PDZRN4: variants seen among roughly 807,000 people sequenced by gnomAD.
PDZRN4 encodes PDZ domain-containing RING finger protein 4.
In PDZRN4, 70 loss-of-function variants were observed where a neutral mutation model predicts 99.0. The ratio of observed to expected loss-of-function variants is 0.71; its 90% CI spans 0.58 to 0.86. The LOEUF (loss-of-function observed/expected upper bound fraction) is 0.86, where lower values mean the gene tolerates loss of function less well. Among genes scored for constraint, PDZRN4 ranks in the 40% least tolerant of loss-of-function variants. The pLI is 0.00. For synonymous variants in PDZRN4, 551 were observed against 501.6 expected, an observed-to-expected ratio of 1.10 and a Z score of -1.32; for missense variants, 1,474 against 1,331.2, an observed-to-expected ratio of 1.11 and a Z score of -1.67.
chr12:41,309,068 C>A (rs988294703), intron 3 of PDZRN4, among the ~76,000 whole-genome samples: 9 of 151,948 alleles, frequency 5.9e-5, no homozygotes, highest in African/African-American at 2.2e-4. Context: ...ACCTACAATA[C>A]TCCCCTCAAA....
At chr12:41,492,357 T>C (rs1937904552) in intron 3 of PDZRN4, among the ~76,000 whole-genome samples, 2 of 152,286 alleles carry the variant, frequency 1.3e-5, no homozygotes, top group South Asian at 4.1e-4. Flanking sequence ...AGAGAGTTTC[T>C]TTCACAAAAA....
chr12:41,470,714 A>G (rs1305098351), intron 3 of PDZRN4, among the ~76,000 whole-genome samples: 1 of 151,808 alleles, frequency 6.6e-6, no homozygotes, highest in Non-Finnish European at 1.5e-5. Context: ...ATGTGTTCTC[A>G]TTGTTCAATT....
rs61040270 is a variant in PDZRN4, at chr12:41,545,509, ATGTGTGTGTGTGTGTGTGTGTG to A, written c.1204-7124_1204-7103del. Among the ~76,000 whole-genome samples, 648 of 143,098 alleles carry A rather than the reference ATGTGTGTGTGTGTGTGTGTGTG, an allele frequency of 4.5e-3. 2 individuals are homozygous for A. The highest frequency in any genetic ancestry group is 0.015 in the African/African-American group (596 of 38,788). The allele number at this position is 143,098 out of a possible 152,430, so 93.9% of individuals were successfully genotyped here. A position where few individuals can be genotyped will look rare whatever the true frequency, so the allele number is the denominator to read the frequency against. The stretch of plus-strand genomic sequence containing the variant: ...GCCCCAGCCCATATTGATGATATTA[ATGTGTGTGTGTGTGTGTGTGTG>A]TGTGTGTGTGTGTGTGTGTGTGACA... On this transcript the variant is annotated intron_variant, in intron 5 of 9. Coordinates refer to ENST00000402685, the MANE Select transcript of PDZRN4 (RefSeq NM_001164595.2).
At chr12:41,254,040 T>A (rs1322996581) in intron 3 of PDZRN4, among the ~76,000 whole-genome samples, 1 of 147,974 alleles carries the variant, frequency 6.8e-6, no homozygotes, top group Non-Finnish European at 1.5e-5. Context: ...TGTGCGTGTG[T>A]GTGTGTGTGT....
rs80110048 is a variant in PDZRN4 at position 41,375,663 on chromosome 12, T to C, written c.844-130793T>C. ...TAAAGTATACAATATAATGGTTTGA[T>C]ATACCTATATATTATGAAAGGATTA... On this transcript the variant is annotated intron_variant, in intron 3 of 9. Transcript: ENST00000402685. 3.1e-3 allele frequency among the ~76,000 whole-genome samples: 466 copies of C among 152,272 alleles called. 5 individuals are homozygous for C. The highest frequency in any genetic ancestry group is 0.011 in the African/African-American group (443 of 41,560).
chr12:41,278,839 G>T (rs760517193), intron 3 of PDZRN4, among the ~76,000 whole-genome samples: 1 of 152,110 alleles, frequency 6.6e-6, no homozygotes, highest in African/African-American at 2.4e-5. Context: ...TAAATGGAGG[G>T]TCTCAGTATT....
At chr12:41,566,097 G>A (rs745501727) in intron 8 of PDZRN4, among the ~76,000 whole-genome samples, 5 of 152,122 alleles carry the variant, frequency 3.3e-5, no homozygotes. Flanking sequence ...CTAAAAGAAA[G>A]CCTTATCAAA....
At chr12:41,553,629 T>C (rs887536995) in intron 6 of PDZRN4, among the ~76,000 whole-genome samples, 1 of 152,008 alleles carries the variant, frequency 6.6e-6, no homozygotes, top group Non-Finnish European at 1.5e-5. Context: ...AGTAATTCGA[T>C]GTTACGGTGA....
intron 3 of PDZRN4, among the ~76,000 whole-genome samples, chr12:41,206,313 G>C (rs1170240100): frequency 6.6e-6 from 1 of 151,878 alleles, no homozygotes; most frequent in African/African-American, 2.4e-5. Context: ...CAGTGTCTTA[G>C]AGTTTCCATT....
At chr12:41,351,467 G>A (rs1951889981) in intron 3 of PDZRN4, among the ~76,000 whole-genome samples, 1 of 152,022 alleles carries the variant, frequency 6.6e-6, no homozygotes, top group Admixed American at 6.6e-5. Flanking sequence ...GGTTTAATTG[G>A]CTTATGGTTC....
intron 3 of PDZRN4, among the ~76,000 whole-genome samples, chr12:41,402,756 T>TA (rs541018989): frequency 6.3e-4 from 93 of 147,948 alleles, no homozygotes; most frequent in Middle Eastern, 3.5e-3. Flanking sequence ...TGATTAGAGG[T>TA]AAAAAAAAGT....
At chr12:41,387,401 T>C (rs1384322588) in intron 3 of PDZRN4, among the ~76,000 whole-genome samples, 2 of 151,930 alleles carry the variant, frequency 1.3e-5, no homozygotes, top group Non-Finnish European at 2.9e-5. Flanking sequence ...CTTGGCAAAA[T>C]GGTGAAACCT....
At chr12:41,393,288 A>G (rs1952222899) in intron 3 of PDZRN4, among the ~76,000 whole-genome samples, 1 of 152,216 alleles carries the variant, frequency 6.6e-6, no homozygotes, top group Non-Finnish European at 1.5e-5. Context: ...AGGCTAATAA[A>G]TATTTGCTGG....
At chr12:41,360,253 A>G (rs1413464878) in intron 3 of PDZRN4, among the ~76,000 whole-genome samples, 1 of 152,050 alleles carries the variant, frequency 6.6e-6, no homozygotes, top group East Asian at 1.9e-4. Context: ...AGAACTATTT[A>G]TAGGATTGGA....
chr12:41,515,165 A>G (rs895188120), intron 5 of PDZRN4, among the ~76,000 whole-genome samples: 1 of 152,050 alleles, frequency 6.6e-6, no homozygotes. Context: ...AGGCAAACCT[A>G]TCAAAGAGTT....
intron 3 of PDZRN4, among the ~76,000 whole-genome samples, chr12:41,311,807 C>T (rs925817615): frequency 1.1e-4 from 16 of 152,080 alleles, no homozygotes; most frequent in Non-Finnish European, 4.4e-5. Flanking sequence ...TGATAGGTAT[C>T]GTGTGACTTT....
intron 3 of PDZRN4, among the ~76,000 whole-genome samples, chr12:41,405,400 C>T (rs538501407): frequency 6.6e-6 from 1 of 152,066 alleles, no homozygotes; most frequent in Non-Finnish European, 1.5e-5. Context: ...CAATGAGATG[C>T]CATCTCACTC....
At chr12:41,348,490 A>G (rs1237986199) in intron 3 of PDZRN4, among the ~76,000 whole-genome samples, 5 of 152,146 alleles carry the variant, frequency 3.3e-5, no homozygotes, top group Non-Finnish European at 7.4e-5. Flanking sequence ...TTACTACTAC[A>G]GATTTGCAGT....
intron 5 of PDZRN4, among the ~76,000 whole-genome samples, chr12:41,512,522 G>T (rs1206756177): frequency 6.6e-6 from 1 of 152,068 alleles, no homozygotes; most frequent in Non-Finnish European, 1.5e-5. Context: ...GGTGTACAAG[G>T]AGTAGCAAAG....
Sources: gnomAD v4.1 joint callset for allele counts (sites outside exome capture counted in the v4.1 genomes callset) on GRCh38, gnomAD v4.1.1 for gene constraint, MANE v1.5 for transcripts, NCBI Gene and HGNC (gene_info 2026-07-23, HGNC 2026-07-21) for gene names.